RBFOX1: variants seen among roughly 807,000 people sequenced by gnomAD.
The protein encoded by RBFOX1 is RNA binding fox-1 homolog 1, also known as RNA binding protein fox-1 homolog 1.
In RBFOX1, 8 loss-of-function variants were observed where a neutral mutation model predicts 57.7. The observed-to-expected ratio is 0.14, with a 90% CI of 0.08 to 0.25. The LOEUF is 0.25. RBFOX1 is among the 10% of genes least tolerant of loss of function. The probability of loss-of-function intolerance (pLI) is 1.00; values close to 1 mark genes in which losing one functional copy is unlikely to be tolerated. For synonymous variants in RBFOX1, 326 were observed against 222.4 expected, an observed-to-expected ratio of 1.47 and a Z score of -4.15; for missense variants, 611 against 548.5, an observed-to-expected ratio of 1.11 and a Z score of -1.14.
intron 4 of RBFOX1, among the ~76,000 whole-genome samples, chr16:7,145,903 G>C (rs962175100): frequency 1.3e-5 from 2 of 152,068 alleles, no homozygotes; most frequent in African/African-American, 2.4e-5. Flanking sequence ...ATCCCCTCAA[G>C]TCCATGACCC....
chr16:7,662,227 T>C (rs1284299286), intron 12 of RBFOX1, among the ~76,000 whole-genome samples: 1 of 152,200 alleles, frequency 6.6e-6, no homozygotes, highest in Non-Finnish European at 1.5e-5. Context: ...TTATTTCCCA[T>C]ATTTAAAAGT....
intron 2 of RBFOX1, among the ~76,000 whole-genome samples, chr16:6,615,801 T>C (rs952273361): frequency 1.1e-4 from 16 of 152,286 alleles, no homozygotes; most frequent in African/African-American, 3.4e-4. Context: ...TAACAGCAGA[T>C]GGATGGAGAC....
In RBFOX1 at chr16:6,574,424, A is replaced by ATTTT. The variant is rs34505014; in HGVS notation, c.-63-80160_-63-80157dup. ...GCAAGGGTTTCTGTCCGTATCTTCT[A>ATTTT]TTTTTTTTTTTTTTTTTTTTTTGAG... On this transcript the variant is annotated intron_variant, in intron 2 of 15. Coordinates refer to ENST00000550418, the MANE Select transcript of RBFOX1 (RefSeq NM_018723.4). 7.0e-4 allele frequency among the ~76,000 whole-genome samples: 63 copies of ATTTT among 89,904 alleles called. 3 individuals are homozygous for ATTTT. Among genetic ancestry groups the ATTTT allele is most frequent in the Admixed American group, 1.6e-3 (10 of 6,398 alleles). 59.0% of individuals were successfully genotyped at this position (89,904 alleles called of 152,430 possible).
At position 6,698,281 on chromosome 16, in the gene RBFOX1, T is replaced by A. The variant is rs1402608140; in HGVS notation, c.-16+43631T>A. 2.0e-4 allele frequency among the ~76,000 whole-genome samples: 30 copies of A among 152,216 alleles called. 1 individual carries two copies. The highest frequency in any genetic ancestry group is 2.0e-3 in the Admixed American group (30 of 15,282). ...TGTCCACAGAAGATATGGGGGGTAA[T>A]CTATTTGTACATCTAAACCAGTCCA... is the stretch of plus-strand genomic sequence containing the variant. On this transcript the variant is annotated intron_variant, in intron 3 of 15. Transcript: ENST00000550418.
intron 1 of RBFOX1, among the ~76,000 whole-genome samples, chr16:6,221,228 A>G (rs536742919): frequency 6.6e-6 from 1 of 152,214 alleles, no homozygotes; most frequent in Non-Finnish European, 1.5e-5. Context: ...AGCAATGCAT[A>G]TAAATGCTAG....
chr16:6,456,078 C>G (rs978113387), intron 2 of RBFOX1, among the ~76,000 whole-genome samples: 2 of 152,144 alleles, frequency 1.3e-5, no homozygotes, highest in East Asian at 1.9e-4. Flanking sequence ...ATATGTCGAG[C>G]TATATTGCTT....
At chr16:6,157,892 G>T (rs2096849720) in intron 1 of RBFOX1, among the ~76,000 whole-genome samples, 1 of 152,038 alleles carries the variant, frequency 6.6e-6, no homozygotes, top group South Asian at 2.1e-4. Context: ...TTTTTTCCAA[G>T]AGTTGAAAGC....
intron 4 of RBFOX1, among the ~76,000 whole-genome samples, chr16:7,370,747 T>C: frequency 6.6e-6 from 1 of 152,238 alleles, no homozygotes; most frequent in East Asian, 1.9e-4. Flanking sequence ...ACCCGAGGTT[T>C]TGGAATGTGA....
intron 2 of RBFOX1, among the ~76,000 whole-genome samples, chr16:6,484,958 G>A (rs1357775604): frequency 6.6e-6 from 1 of 152,166 alleles, no homozygotes; most frequent in Non-Finnish European, 1.5e-5. Context: ...GTAGTAAATT[G>A]TTTGGCTTAA....
chr16:6,236,517 C>T (rs1050231696), intron 1 of RBFOX1, among the ~76,000 whole-genome samples: 1 of 152,052 alleles, frequency 6.6e-6, no homozygotes, highest in Non-Finnish European at 1.5e-5. Flanking sequence ...TCACTGCAAC[C>T]TCTGTCTCCT....
chr16:7,221,910 C>A (rs186573743), intron 4 of RBFOX1, among the ~76,000 whole-genome samples: 118 of 152,286 alleles, frequency 7.7e-4, no homozygotes, highest in Admixed American at 6.8e-3. Context: ...CATGTCCAAC[C>A]ACAAAATGGG....
intron 3 of RBFOX1, among the ~76,000 whole-genome samples, chr16:6,830,208 T>C (rs2092605962): frequency 6.6e-6 from 1 of 152,210 alleles, no homozygotes; most frequent in Non-Finnish European, 1.5e-5. Flanking sequence ...TGAGCCACCA[T>C]GCCTGGCTGA....
intron 2 of RBFOX1, among the ~76,000 whole-genome samples, chr16:6,507,188 C>T (rs1036055045): frequency 6.6e-6 from 1 of 152,138 alleles, no homozygotes; most frequent in Admixed American, 6.5e-5. Flanking sequence ...CCAGACATCC[C>T]AAGACCTAGT....
intron 4 of RBFOX1, among the ~76,000 whole-genome samples, chr16:5,906,670 C>G (rs1000283712): frequency 6.7e-6 from 1 of 148,996 alleles, no homozygotes; most frequent in Non-Finnish European, 1.5e-5. Flanking sequence ...GGGTTGGCTG[C>G]TGAGTGTTGT....
intron 4 of RBFOX1, among the ~76,000 whole-genome samples, chr16:7,153,835 C>G (rs779078350): frequency 2.0e-5 from 3 of 151,866 alleles, no homozygotes; most frequent in African/African-American, 4.8e-5. Flanking sequence ...AAGATGCCCT[C>G]AAACAGGCTA....
At chr16:6,570,469 G>T (rs911963272) in intron 2 of RBFOX1, among the ~76,000 whole-genome samples, 1 of 151,842 alleles carries the variant, frequency 6.6e-6, no homozygotes, top group African/African-American at 2.4e-5. Context: ...AGGCTCAGAA[G>T]ATATAAAAGA....
At chr16:6,916,034 C>T (rs1237823406) in intron 3 of RBFOX1, among the ~76,000 whole-genome samples, 1 of 152,010 alleles carries the variant, frequency 6.6e-6, no homozygotes, top group Admixed American at 6.6e-5. Flanking sequence ...TCTTGACTGG[C>T]AGGAAGACAG....
At chr16:6,682,065 T>G (rs1412480713) in intron 3 of RBFOX1, among the ~76,000 whole-genome samples, 1 of 152,220 alleles carries the variant, frequency 6.6e-6, no homozygotes, top group African/African-American at 2.4e-5. Context: ...GGATCCAGTT[T>G]GTTTTGCCCA....
At chr16:7,260,835 C>A (rs1021780565) in intron 4 of RBFOX1, among the ~76,000 whole-genome samples, 1 of 152,084 alleles carries the variant, frequency 6.6e-6, no homozygotes, top group Non-Finnish European at 1.5e-5. Context: ...TCTATGAACC[C>A]CAGGTGCAAG....
Sources: gnomAD v4.1 joint callset for allele counts (sites outside exome capture counted in the v4.1 genomes callset) on GRCh38, gnomAD v4.1.1 for gene constraint, MANE v1.5 for transcripts, NCBI Gene and HGNC (gene_info 2026-07-23, HGNC 2026-07-21) for gene names.